The following SEMA6D variants were observed in gnomAD, a reference collection of about 807,000 sequenced individuals.
SEMA6D encodes semaphorin 6D, also known as semaphorin-6D.
In SEMA6D, 35 loss-of-function variants were observed where a neutral mutation model predicts 106.6. That is an observed-to-expected ratio of 0.33 (90% CI 0.25 to 0.44). The LOEUF (loss-of-function observed/expected upper bound fraction) is 0.44. Among genes scored for constraint, SEMA6D ranks in the 20% least tolerant of loss-of-function variants. SEMA6D has a pLI of 1.00. For missense variants in SEMA6D, 1,185 were observed against 1,345.9 expected (o/e 0.88, Z 1.87); for synonymous variants, 499 against 487.7 (o/e 1.02, Z -0.31).
chr15:47,529,224 A>C (rs1596249850), intron 3 of SEMA6D, among the ~76,000 whole-genome samples: 1 of 152,264 alleles, frequency 6.6e-6, no homozygotes, highest in East Asian at 1.9e-4. Flanking sequence ...CCTCGTCTTC[A>C]TGTTGAGTAG....
At chr15:47,613,062 G>T (rs558499571) in intron 4 of SEMA6D, among the ~76,000 whole-genome samples, 23 of 152,284 alleles carry the variant, frequency 1.5e-4, no homozygotes, top group African/African-American at 5.3e-4. Context: ...TTGAGATAAA[G>T]AATACATCTG....
intron 1 of SEMA6D, among the ~76,000 whole-genome samples, chr15:47,326,536 G>A (rs1179905276): frequency 1.3e-5 from 2 of 152,226 alleles, no homozygotes; most frequent in Non-Finnish European, 1.5e-5. Context: ...TTATTAGGTT[G>A]TAGCCTGGTT....
chr15:47,229,278 G>C (rs1450179218), intron 1 of SEMA6D, among the ~76,000 whole-genome samples: 1 of 151,646 alleles, frequency 6.6e-6, no homozygotes, highest in Non-Finnish European at 1.5e-5. Context: ...AGATCTATTT[G>C]TTTTCTAATT....
chr15:47,609,185 G>T (rs1466453107), intron 4 of SEMA6D, among the ~76,000 whole-genome samples: 1 of 152,108 alleles, frequency 6.6e-6, no homozygotes, highest in Admixed American at 6.5e-5. Flanking sequence ...GTAACCATAG[G>T]GTTTCTGTCT....
At chr15:47,498,139 T>C (rs2043730814) in intron 3 of SEMA6D, among the ~76,000 whole-genome samples, 1 of 152,152 alleles carries the variant, frequency 6.6e-6, no homozygotes, top group Admixed American at 6.6e-5. Context: ...ATCCATTCTG[T>C]TTTAACAAAG....
intron 1 of SEMA6D, among the ~76,000 whole-genome samples, chr15:47,745,499 A>G (rs767882366): frequency 1.4e-4 from 22 of 152,244 alleles, no homozygotes; most frequent in Non-Finnish European, 2.6e-4. Context: ...TGACAGCAGC[A>G]AGGGCTGAGT....
chr15:47,312,363 C>G (rs540852155), intron 1 of SEMA6D, among the ~76,000 whole-genome samples: 3 of 152,246 alleles, frequency 2.0e-5, no homozygotes, highest in African/African-American at 7.2e-5. Context: ...CATAATCTTT[C>G]CTTATTCTCT....
rs115235017 is a variant in SEMA6D at position 47,447,857 on chromosome 15, G to A, written c.-158-22617G>A. Among the ~76,000 whole-genome samples the A allele has an allele frequency of 3.0e-3, 459 of 152,256 alleles. 1 individual carries two copies. The highest frequency in any genetic ancestry group is 0.011 in the African/African-American group (443 of 41,578). On this transcript the variant is annotated intron_variant, in intron 2 of 19. Transcript: ENST00000558014. ...CCTGTGTGATTTGAAGCTACCTCCAGGTGGACATTGCCAGAATTGAATTGT... is the reference window on the plus strand; with the variant it reads ...CCTGTGTGATTTGAAGCTACCTCCAAGTGGACATTGCCAGAATTGAATTGT...
At position 47,301,420 on chromosome 15, in the gene SEMA6D, A is replaced by G. The variant is rs1483990324; in HGVS notation, c.-238-110973A>G. Among the ~76,000 whole-genome samples the G allele has an allele frequency of 3.3e-5, 5 of 152,162 alleles. No homozygotes were observed. The East Asian group carries it at 9.6e-4, about 29-fold the overall frequency. ...AGTGTTGGGGCATCTGGGGCTTAAC[A>G]CCAGGATAAGAGATGGACTTGAGGC... On this transcript the variant is annotated intron_variant, in intron 1 of 19. Transcript: ENST00000558014.
rs200644250 is a variant in SEMA6D, at chr15:47,772,359, T to C, written c.*574T>C. 6.8e-6 allele frequency: 1 copy of C among 146,520 alleles called. No homozygotes were observed. The highest frequency in any genetic ancestry group is 1.5e-5 in the Non-Finnish European group (1 of 66,634). The allele number at this position is 146,520 out of a possible 1,614,324, so 9.1% of individuals were successfully genotyped here. On this transcript the variant is annotated 3_prime_UTR_variant, in exon 19 of 19. Coordinates refer to ENST00000536845, the MANE Select transcript of SEMA6D (RefSeq NM_001358351.3). ...CCAACAAACTTGTTGTGTGTGTGCGTGTGTGTGTGTGTGTGTGTGTGTGTG... is the reference window on the plus strand; with the variant it reads ...CCAACAAACTTGTTGTGTGTGTGCGCGTGTGTGTGTGTGTGTGTGTGTGTG...
At chr15:47,432,612 C>CCTATATGCAT (rs1555438690) in intron 2 of SEMA6D, among the ~76,000 whole-genome samples, 1 of 151,114 alleles carries the variant, frequency 6.6e-6, no homozygotes, top group South Asian at 2.1e-4. Context: ...TACATATACA[C>CCTATATGCAT]ACACAATTAG....
chr15:47,254,225 A>C (rs139959043), intron 1 of SEMA6D, among the ~76,000 whole-genome samples: 9 of 150,318 alleles, frequency 6.0e-5, no homozygotes, highest in African/African-American at 1.7e-4. Context: ...TTTATTAGTT[A>C]TAATAGTTTT....
chr15:47,589,553 C>A lies in SEMA6D; in HGVS notation c.-86-11312C>A, dbSNP rs539923800. On this transcript the variant is annotated intron_variant, in intron 3 of 19. Transcript: ENST00000558014. ...TCTTCCTCTTTCAATCCAATCCTAC[C>A]CACTTTCCATCTTTAAAAAACACTC... 1.1e-4 allele frequency among the ~76,000 whole-genome samples: 16 copies of A among 152,364 alleles called. No homozygotes were observed. The South Asian group carries it at 1.4e-3, about 14-fold the overall frequency.
At chr15:47,463,227 A>C (rs1483683411) in intron 2 of SEMA6D, among the ~76,000 whole-genome samples, 1 of 152,038 alleles carries the variant, frequency 6.6e-6, no homozygotes, top group African/African-American at 2.4e-5. Flanking sequence ...GAAGCTTGTA[A>C]TTTTCCCCTA....
intron 4 of SEMA6D, among the ~76,000 whole-genome samples, chr15:47,703,946 G>C (rs879726250): frequency 2.0e-5 from 3 of 152,092 alleles, no homozygotes; most frequent in Non-Finnish European, 2.9e-5. Context: ...CAGTACATGG[G>C]GGTGTGTAAA....
intron 3 of SEMA6D, among the ~76,000 whole-genome samples, chr15:47,492,993 C>T (rs960962345): frequency 1.3e-5 from 2 of 152,068 alleles, no homozygotes; most frequent in Non-Finnish European, 2.9e-5. Flanking sequence ...AGAAAAAAAA[C>T]TAAGAGCTTA....
chr15:47,746,984 G>GTGTGTATATATATATATATATATATA (rs1401767590), intron 1 of SEMA6D, among the ~76,000 whole-genome samples: 1 of 122,046 alleles, frequency 8.2e-6, no homozygotes, highest in Non-Finnish European at 1.8e-5. Flanking sequence ...GTGTGTGTGT[G>GTGTGTATATATATATATATATATATA]TATATATATA....
chr15:47,771,912 T>G lies in SEMA6D; in HGVS notation c.*127T>G. On this transcript the variant is annotated 3_prime_UTR_variant, in exon 19 of 19. Coordinates refer to ENST00000536845, the MANE Select transcript of SEMA6D (RefSeq NM_001358351.3). ...GAGAACCAAGTGGCCAAAGAAACTCTTTCTAACTTTGGCAACATCAGAACT... is the reference window on the plus strand; with the variant it reads ...GAGAACCAAGTGGCCAAAGAAACTCGTTCTAACTTTGGCAACATCAGAACT... The G allele has an allele frequency of 1.9e-6, 2 of 1,030,208 alleles. No individual in the cohort carries two copies. Among genetic ancestry groups the G allele is most frequent in the Middle Eastern group, 2.6e-4 (1 of 3,820 alleles). 63.8% of individuals were successfully genotyped at this position (1,030,208 alleles called of 1,614,324 possible). A position where few individuals can be genotyped will look rare whatever the true frequency, so the allele number is the denominator to read the frequency against.
intron 1 of SEMA6D, among the ~76,000 whole-genome samples, chr15:47,728,654 G>A (rs1023709764): frequency 2.2e-4 from 34 of 152,196 alleles, no homozygotes; most frequent in African/African-American, 8.0e-4. Context: ...TTTTAGTTCT[G>A]GAGGTCAGAA....
Sources: gnomAD v4.1 joint callset for allele counts (sites outside exome capture counted in the v4.1 genomes callset) on GRCh38, gnomAD v4.1.1 for gene constraint, MANE v1.5 for transcripts, NCBI Gene and HGNC (gene_info 2026-07-23, HGNC 2026-07-21) for gene names.